Variants in FANK1 observed in about 807,000 individuals in gnomAD.
FANK1 encodes fibronectin type 3 and ankyrin repeat domains protein 1.
Under a neutral mutation model 45.3 loss-of-function variants are expected in FANK1, and 44 were observed. The ratio of observed to expected loss-of-function variants is 0.97; its 90% CI spans 0.76 to 1.25. The LOEUF (loss-of-function observed/expected upper bound fraction) is 1.25, where lower values mean the gene tolerates loss of function less well. Ranked by LOEUF, FANK1 falls within the 50% of genes most tolerant of loss-of-function variation. The pLI, the probability that FANK1 is intolerant of heterozygous loss-of-function variation, is 0.00. For missense variants in FANK1, 391 were observed against 424.4 expected (o/e 0.92, Z 0.69); for synonymous variants, 149 against 152.5 (o/e 0.98, Z 0.17).
At chr10:125,997,585 G>T (rs1022805698) in intron 6 of FANK1, 100 bp downstream of exon 6, 4 of 1,101,590 alleles carry the variant, frequency 3.6e-6, no homozygotes, top group Non-Finnish European at 5.3e-6. Context: ...ACATTGTCTT[G>T]AGTTTGACAG....
chr10:125,903,972 C>G (rs34656414), intron 1 of FANK1, among the ~76,000 whole-genome samples: 5 of 152,094 alleles, frequency 3.3e-5, no homozygotes, highest in Non-Finnish European at 5.9e-5. Context: ...GCCTCAGCCT[C>G]CCGCGTAGCT....
chr10:126,009,101 C>T lies in FANK1; in HGVS notation c.897C>T (p.Asp299=). The change falls in exon 9 of 11, where the codon GAC becomes GAT. Residue 299 remains aspartate (D), a synonymous_variant. Coordinates refer to ENST00000368693, the MANE Select transcript of FANK1 (RefSeq NM_145235.5). ...AAGAGTTAGTTCAGTTACTTCTTGACAAAGGGGCAGATGCAAGTGTAAAAA... is the reference window on the plus strand; with the variant it reads ...AAGAGTTAGTTCAGTTACTTCTTGATAAAGGGGCAGATGCAAGTGTAAAAA... The part of the protein sequence containing the change: ...NHEELVQLLL[D]KGADASVKNE... 1 of 1,614,172 alleles carries T rather than the reference C, an allele frequency of 6.2e-7. No homozygotes were observed. Among genetic ancestry groups the T allele is most frequent in the Non-Finnish European group, 8.5e-7 (1 of 1,180,034 alleles).
At chr10:125,986,380 C>T (rs906039686) in intron 2 of FANK1, among the ~76,000 whole-genome samples, 1 of 152,094 alleles carries the variant, frequency 6.6e-6, no homozygotes, top group Non-Finnish European at 1.5e-5. Flanking sequence ...TTTGATTTTA[C>T]CTTGAAATTT....
At chr10:125,997,613 G>A in intron 6 of FANK1, 128 bp downstream of exon 6, 2 of 787,596 alleles carry the variant, frequency 2.5e-6, no homozygotes, top group Non-Finnish European at 4.0e-6. Context: ...AGGTGAGTGG[G>A]TCGCTGAGGA....
At chr10:125,995,519 GT>G (rs200785168) in intron 4 of FANK1, 21 bp downstream of exon 4, 26 of 1,610,162 alleles carry the variant, frequency 1.6e-5, no homozygotes, top group East Asian at 8.9e-5. Context: ...TCTGTCAGTT[GT>G]TTTTTTTCCC....
chr10:126,003,751 C>G (rs1448838577), intron 6 of FANK1, among the ~76,000 whole-genome samples: 1 of 152,104 alleles, frequency 6.6e-6, no homozygotes, highest in Non-Finnish European at 1.5e-5. Flanking sequence ...TCTCGGCTCA[C>G]TGCAACCTCC....
intron 3 of FANK1, among the ~76,000 whole-genome samples, chr10:125,991,364 G>A (rs1259496376): frequency 6.6e-6 from 1 of 152,020 alleles, no homozygotes; most frequent in Non-Finnish European, 1.5e-5. Context: ...CCTCAGGGGG[G>A]CTGTACTGGG....
chr10:125,911,316 A>G (rs113543651), intron 1 of FANK1, among the ~76,000 whole-genome samples: 63 of 151,356 alleles, frequency 4.2e-4, no homozygotes, highest in Non-Finnish European at 5.6e-4. Flanking sequence ...ATGGAAACGG[A>G]CTCTCCCCTA....
At chr10:125,976,924 T>TA (rs1950890367) in intron 1 of FANK1, among the ~76,000 whole-genome samples, 1 of 152,110 alleles carries the variant, frequency 6.6e-6, no homozygotes. Flanking sequence ...TGCCCGGTCA[T>TA]AAAATTATCA....
intron 1 of FANK1, among the ~76,000 whole-genome samples, chr10:125,930,178 C>T (rs1019541103): frequency 6.6e-6 from 1 of 152,006 alleles, no homozygotes; most frequent in African/African-American, 2.4e-5. Flanking sequence ...CCTCAGCCTC[C>T]TGAATAGCTG....
chr10:126,006,816 T>C (rs1305837070), intron 7 of FANK1, among the ~76,000 whole-genome samples: 3 of 152,182 alleles, frequency 2.0e-5, no homozygotes, highest in Non-Finnish European at 4.4e-5. Context: ...GCCAAGATTG[T>C]GCCACTGCAC....
Position 125,984,241 on chromosome 10 carries a change from C to T in FANK1, c.191+3903C>T, listed in dbSNP as rs527480356. 9.2e-5 allele frequency among the ~76,000 whole-genome samples: 14 copies of T among 152,312 alleles called. No individual in the cohort carries two copies. In the South Asian group the frequency reaches 2.5e-3, roughly 27 times the overall value. On this transcript the variant is annotated intron_variant, in intron 2 of 10. Transcript: ENST00000368693. The stretch of plus-strand genomic sequence containing the variant: ...CATTGTCCTCCTGCCACAGCCCAGG[C>T]CATGCGGCAGCCTCTGCGTGAACAT...
intron 1 of FANK1, among the ~76,000 whole-genome samples, chr10:125,959,401 G>C (rs1949776739): frequency 9.4e-6 from 1 of 106,946 alleles, no homozygotes; most frequent in Non-Finnish European, 1.8e-5. Context: ...GTGACAGAAT[G>C]AGACTCTGTC....
rs184516944 is a variant in FANK1, at chr10:125,964,617, G to A, written c.14-15544G>A. On this transcript the variant is annotated intron_variant, in intron 1 of 10. Transcript: ENST00000368693. ...TTAACTTTAGTCTTAACTGCTATAT[G>A]GTATGCTAATGTTTGATTATTCATA... 2.1e-3 allele frequency among the ~76,000 whole-genome samples: 316 copies of A among 152,222 alleles called. 1 individual carries two copies. Among genetic ancestry groups the A allele is most frequent in the Non-Finnish European group, 3.3e-3 (224 of 68,028 alleles).
chr10:125,935,404 T>C (rs1948031770), intron 1 of FANK1, among the ~76,000 whole-genome samples: 1 of 152,176 alleles, frequency 6.6e-6, no homozygotes, highest in East Asian at 1.9e-4. Flanking sequence ...TTCCTTCAAC[T>C]AATTTTGTCT....
chr10:125,983,313 G>A lies in FANK1; in HGVS notation c.191+2975G>A, dbSNP rs1051969967. ...CTGTGATCGTTGCTGCCCATGCCAC[G>A]CATTCCATTTATTCCATCAGCGTGT... On this transcript the variant is annotated intron_variant, in intron 2 of 10. Transcript: ENST00000368693. The surrounding 1 kb of genome is among the most constrained non-coding windows in gnomAD (Gnocchi z 4.3). Among the ~76,000 whole-genome samples the A allele has an allele frequency of 4.6e-5, 7 of 152,034 alleles. No individual in the cohort carries two copies. Among genetic ancestry groups the A allele is most frequent in the South Asian group, 2.1e-4 (1 of 4,818 alleles).
chr10:125,934,014 A>G (rs764357598), intron 1 of FANK1, among the ~76,000 whole-genome samples: 4 of 152,090 alleles, frequency 2.6e-5, no homozygotes, highest in Non-Finnish European at 5.9e-5. Flanking sequence ...TATAATTTCA[A>G]TCTTCTTAAA....
intron 1 of FANK1, among the ~76,000 whole-genome samples, chr10:125,934,807 T>C (rs1457613395): frequency 7.9e-6 from 1 of 126,414 alleles, no homozygotes; most frequent in Non-Finnish European, 1.6e-5. Context: ...AGAACCAGGA[T>C]TCTATCCCAG....
intron 1 of FANK1, among the ~76,000 whole-genome samples, chr10:125,929,104 G>A (rs867274078): frequency 6.6e-5 from 10 of 152,358 alleles, no homozygotes; most frequent in Middle Eastern, 6.8e-3. Flanking sequence ...CGTATGCACA[G>A]GAGTCCACGA....
Sources: allele counts gnomAD v4.1 joint callset (sites outside exome capture counted in the v4.1 genomes callset), GRCh38; gene constraint gnomAD v4.1.1; non-coding constraint Gnocchi (gnomAD v3.1); transcripts MANE v1.5; gene names NCBI Gene and HGNC (gene_info 2026-07-23, HGNC 2026-07-21).